The following MIB1 variants were observed in gnomAD, a reference collection of about 807,000 sequenced individuals.
The protein encoded by MIB1 is E3 ubiquitin-protein ligase MIB1.
MIB1 carries 278 observed loss-of-function variants against 124.5 expected under a neutral mutation model. The ratio of observed to expected loss-of-function variants is 2.23; its 90% CI spans 2.02 to 2.47. MIB1 has a LOEUF of 2.47. Ranked by LOEUF, MIB1 falls within the 30% of genes most tolerant of loss-of-function variation. MIB1 has a pLI of 0.00. For missense variants in MIB1, 957 were observed against 1,254.4 expected, an observed-to-expected ratio of 0.76 and a Z score of 3.58; for synonymous variants, 446 against 429.4, an observed-to-expected ratio of 1.04 and a Z score of -0.48.
chr18:21,798,470 C>T (rs568061764), intron 8 of MIB1, among the ~76,000 whole-genome samples: 1 of 152,168 alleles, frequency 6.6e-6, no homozygotes, highest in East Asian at 1.9e-4. Context: ...AAAATGTGTG[C>T]TTTTTCTTGG....
chr18:21,864,556 A>G lies in MIB1; in HGVS notation c.2911A>G (p.Lys971Glu). 6.2e-7 allele frequency: 1 copy of G among 1,613,498 alleles called. No homozygotes were observed. ...TMCPVCLDRL[K>E]NMIFLCGHGT... ...GTGCCCTGTGTGTCTAGATCGTCTG[A>G]AGAATATGATTTTCCTTTGTGGTCA... Residue 971 changes from lysine to glutamate, a missense_variant, in exon 21 of 21, where the codon AAG becomes GAG. Coordinates refer to ENST00000261537, the MANE Select transcript of MIB1 (RefSeq NM_020774.4).
At chr18:21,791,706 T>C (rs1470287297) in intron 7 of MIB1, 149 bp downstream of exon 7, 2 of 579,916 alleles carry the variant, frequency 3.4e-6, no homozygotes, top group Non-Finnish European at 5.7e-6. Flanking sequence ...CATTTTGTTT[T>C]CTAATTTATC....
chr18:21,731,680 C>T (rs1001443268), intron 1 of MIB1, among the ~76,000 whole-genome samples: 3 of 142,096 alleles, frequency 2.1e-5, no homozygotes, highest in Admixed American at 1.5e-4. Flanking sequence ...TGCAGTGAGC[C>T]GAGATTGCGC....
chr18:21,850,728 A>G (rs911405676), intron 17 of MIB1, among the ~76,000 whole-genome samples: 5 of 152,312 alleles, frequency 3.3e-5, no homozygotes, highest in Admixed American at 1.3e-4. Context: ...TTTCATTTGT[A>G]TTAAATAGGT....
intron 8 of MIB1, among the ~76,000 whole-genome samples, chr18:21,799,496 TGAAAG>T (rs929003229): frequency 6.6e-6 from 1 of 152,058 alleles, no homozygotes; most frequent in African/African-American, 2.4e-5. Context: ...CCTTAAAACC[TGAAAG>T]GAAGTTTGTA....
intron 1 of MIB1, among the ~76,000 whole-genome samples, chr18:21,718,097 G>T (rs150745899): frequency 1.3e-5 from 2 of 152,298 alleles, no homozygotes; most frequent in East Asian, 3.9e-4. Flanking sequence ...GCAGCCACCT[G>T]GATGAGATTG....
At chr18:21,809,312 AG>A (rs1568210877) in intron 10 of MIB1, among the ~76,000 whole-genome samples, 1 of 152,202 alleles carries the variant, frequency 6.6e-6, no homozygotes, top group Admixed American at 6.5e-5. Flanking sequence ...TTATGGTTTC[AG>A]GGGGGATTTC....
At chr18:21,844,539 C>G (rs908147973) in intron 15 of MIB1, among the ~76,000 whole-genome samples, 6 of 152,118 alleles carry the variant, frequency 3.9e-5, no homozygotes, top group Admixed American at 2.0e-4. Flanking sequence ...AAGCCATTCT[C>G]TTGCCTCAAC....
intron 1 of MIB1, among the ~76,000 whole-genome samples, chr18:21,745,790 T>A (rs1260592651): frequency 6.6e-6 from 1 of 151,988 alleles, no homozygotes; most frequent in East Asian, 1.9e-4. Flanking sequence ...CACTGCAACC[T>A]CCGTCCCCCA....
intron 13 of MIB1, among the ~76,000 whole-genome samples, chr18:21,841,470 C>T (rs2042088566): frequency 6.6e-6 from 1 of 152,136 alleles, no homozygotes; most frequent in African/African-American, 2.4e-5. Flanking sequence ...AGCAAATAGG[C>T]AAGTGAAAGC....
intron 6 of MIB1, among the ~76,000 whole-genome samples, chr18:21,786,329 C>T (rs1237354614): frequency 6.6e-6 from 1 of 152,156 alleles, no homozygotes; most frequent in African/African-American, 2.4e-5. Context: ...AATCTCCTGA[C>T]CTTGTGATCC....
At chr18:21,785,658 AGT>A in intron 6 of MIB1, among the ~76,000 whole-genome samples, 1 of 152,124 alleles carries the variant, frequency 6.6e-6, no homozygotes. Flanking sequence ...ACGTAATTGT[AGT>A]ATTAAGAGTA....
At chr18:21,803,841 G>A (rs1235796753) in intron 9 of MIB1, 66 bp from the exon 10 acceptor site, 22 of 1,174,884 alleles carry the variant, frequency 1.9e-5, no homozygotes, top group Middle Eastern at 2.6e-4. Context: ...AACCTACACC[G>A]TATGTATATA....
chr18:21,815,909 C>A, intron 11 of MIB1, 96 bp downstream of exon 11: 1 of 1,084,814 alleles, frequency 9.2e-7, no homozygotes, highest in East Asian at 2.5e-5. Flanking sequence ...TGTTACCGTT[C>A]TCATATGTCA....
At chr18:21,746,990 C>T (rs1019902293) in intron 1 of MIB1, among the ~76,000 whole-genome samples, 1 of 152,116 alleles carries the variant, frequency 6.6e-6, no homozygotes, top group Non-Finnish European at 1.5e-5. Context: ...CTATTCTGAT[C>T]TGTTTCTAGA....
In MIB1 at chr18:21,752,103, A is replaced by T. The variant is rs77952661; in HGVS notation, c.229+10291A>T. Among the ~76,000 whole-genome samples the T allele has an allele frequency of 1.4e-3, 218 of 152,344 alleles. 3 individuals are homozygous for T. In the East Asian group the frequency reaches 0.036, roughly 25 times the overall value. Reference sequence around the variant, plus strand: ...TTGTTAAAGCAAGTAATTGAGCTTCATATAAGGCTGTCAGATCCTCCAGCT... The same window carrying T: ...TTGTTAAAGCAAGTAATTGAGCTTCTTATAAGGCTGTCAGATCCTCCAGCT... On this transcript the variant is annotated intron_variant, in intron 1 of 20. Transcript: ENST00000261537.
At chr18:21,849,481 A>G in intron 17 of MIB1, 93 bp downstream of exon 17, 2 of 656,510 alleles carry the variant, frequency 3.0e-6, no homozygotes, top group Non-Finnish European at 4.7e-6. Context: ...GCGTCTGTGT[A>G]ATTTTGCTCT....
At chr18:21,768,355 C>T (rs1323868751) in intron 2 of MIB1, among the ~76,000 whole-genome samples, 6 of 152,096 alleles carry the variant, frequency 3.9e-5, no homozygotes, top group Non-Finnish European at 7.4e-5. Flanking sequence ...GAGTGTAACA[C>T]ACTTTACTCC....
At chr18:21,854,738 C>T (rs2042212076) in intron 18 of MIB1, 1 of 167,864 alleles carries the variant, frequency 6.0e-6, no homozygotes, top group Non-Finnish European at 1.3e-5. Flanking sequence ...GTCGTGGATA[C>T]ATTTAGCAGT....
Sources: gnomAD v4.1 joint callset for allele counts (sites outside exome capture counted in the v4.1 genomes callset) on GRCh38, gnomAD v4.1.1 for gene constraint, MANE v1.5 for transcripts, NCBI Gene and HGNC (gene_info 2026-07-23, HGNC 2026-07-21) for gene names.